KIF16B: variants seen among roughly 807,000 people sequenced by gnomAD.
KIF16B encodes kinesin family member 16B.
A neutral mutation model predicts 156.3 loss-of-function variants in KIF16B; 98 were observed. The ratio of observed to expected loss-of-function variants is 0.63; its 90% confidence interval spans 0.53 to 0.74. The LOEUF is 0.74. KIF16B is among the 30% of genes least tolerant of loss of function. The pLI is 0.00. For missense variants in KIF16B, 1,421 were observed against 1,606.5 expected (o/e 0.88, Z 1.97); for synonymous variants, 564 against 583.7 (o/e 0.97, Z 0.49).
Position 16,505,764 on chromosome 20 carries a change from T to G in KIF16B, c.958A>C (p.Lys320Gln), listed in dbSNP as rs1260541624. 1 of 1,613,920 alleles carries G rather than the reference T, an allele frequency of 6.2e-7. No homozygotes were observed. Among genetic ancestry groups the G allele is most frequent in the Non-Finnish European group, 8.5e-7 (1 of 1,179,820 alleles). Reference protein sequence around the residue: ...YRDSVLTWLLKDSLGGNSKTI... With the variant: ...YRDSVLTWLLQDSLGGNSKTI... Reference sequence around the variant, plus strand: ...TTAGAGTTTCCTCCAAGGCTATCTTTTAACAACCAAGTCAACACAGAATCC... The same window carrying G: ...TTAGAGTTTCCTCCAAGGCTATCTTGTAACAACCAAGTCAACACAGAATCC... The change falls in exon 9 of 26, where the codon AAA (lysine) becomes CAA (glutamine). Residue 320 changes from lysine to glutamine, a missense_variant. Lys to Gln is a moderately conservative substitution (Grantham distance 53). Transcript: ENST00000354981.
chr20:16,332,696 A>C (rs2063968310), intron 24 of KIF16B, among the ~76,000 whole-genome samples: 1 of 152,198 alleles, frequency 6.6e-6, no homozygotes, highest in African/African-American at 2.4e-5. Context: ...AAATGGTCTG[A>C]AGACTGAAAC....
At chr20:16,454,967 A>G (rs2067176907) in intron 12 of KIF16B, among the ~76,000 whole-genome samples, 1 of 152,206 alleles carries the variant, frequency 6.6e-6, no homozygotes, top group South Asian at 2.1e-4. Context: ...TCTGGCAGAA[A>G]GCAAGAAAGC....
At chr20:16,315,027 G>A (rs564598399) in intron 24 of KIF16B, among the ~76,000 whole-genome samples, 3 of 152,158 alleles carry the variant, frequency 2.0e-5, no homozygotes, top group African/African-American at 7.2e-5. Flanking sequence ...ATTTTCTTAT[G>A]TGGCTGATGA....
intron 12 of KIF16B, among the ~76,000 whole-genome samples, chr20:16,462,761 C>T (rs548430460): frequency 1.3e-5 from 2 of 152,320 alleles, no homozygotes; most frequent in Admixed American, 1.3e-4. Context: ...CTAAAAAAAT[C>T]GAGCTGCAAA....
chr20:16,530,340 G>A (rs894392340), intron 1 of KIF16B, among the ~76,000 whole-genome samples: 1 of 152,168 alleles, frequency 6.6e-6, no homozygotes, highest in African/African-American at 2.4e-5. Flanking sequence ...ACACACCCAA[G>A]TGATGGTCTG....
intron 5 of KIF16B, among the ~76,000 whole-genome samples, chr20:16,512,019 CACCT>C (rs2068970264): frequency 6.6e-6 from 1 of 151,998 alleles, no homozygotes; most frequent in Non-Finnish European, 1.5e-5. Context: ...TGGTAGCGGA[CACCT>C]GTAATCCCAG....
chr20:16,461,032 G>C (rs2067332561), intron 12 of KIF16B, among the ~76,000 whole-genome samples: 1 of 151,914 alleles, frequency 6.6e-6, no homozygotes, highest in East Asian at 1.9e-4. Context: ...ATAGCCTTAA[G>C]AAATTTCATT....
intron 22 of KIF16B, chr20:16,367,510 G>A: frequency 6.2e-7 from 1 of 1,612,864 alleles, no homozygotes; most frequent in Non-Finnish European, 8.5e-7. Context: ...TGCAATGTGG[G>A]TGTTCAGAAG....
chr20:16,328,958 T>C (rs1266156068), intron 24 of KIF16B, among the ~76,000 whole-genome samples: 1 of 152,084 alleles, frequency 6.6e-6, no homozygotes, highest in Admixed American at 6.6e-5. Flanking sequence ...AAACATTCAG[T>C]CCATAGCAGT....
At chr20:16,508,841 C>A (rs2068869259) in intron 6 of KIF16B, among the ~76,000 whole-genome samples, 1 of 152,184 alleles carries the variant, frequency 6.6e-6, no homozygotes, top group Non-Finnish European at 1.5e-5. Context: ...TCATGCAAAA[C>A]CCAAAAGTGT....
chr20:16,329,468 A>G (rs1432868177), intron 24 of KIF16B, among the ~76,000 whole-genome samples: 1 of 152,224 alleles, frequency 6.6e-6, no homozygotes, highest in Non-Finnish European at 1.5e-5. Flanking sequence ...ATACAGAAAA[A>G]GCACTACAGA....
At chr20:16,279,802 T>G (rs1568807811) in intron 25 of KIF16B, among the ~76,000 whole-genome samples, 3 of 152,194 alleles carry the variant, frequency 2.0e-5, no homozygotes, top group Non-Finnish European at 2.9e-5. Flanking sequence ...AAAAGACAAC[T>G]ACTAAACACT....
In KIF16B at chr20:16,559,715, C is replaced by T. The variant is rs530741114; in HGVS notation, c.47+13514G>A. Among the ~76,000 whole-genome samples the T allele has an allele frequency of 2.0e-4, 31 of 152,132 alleles. No homozygotes were observed. The South Asian group carries it at 2.3e-3, about 11-fold the overall frequency. On this transcript the variant is annotated intron_variant, in intron 1 of 25. Coordinates refer to ENST00000354981, the MANE Select transcript of KIF16B (RefSeq NM_024704.5). ...TTCACTTGAGCCCAGCAGGCTGAGGCTACAGTGAGCTGTGATCATGCCACT... is the reference window on the plus strand; with the variant it reads ...TTCACTTGAGCCCAGCAGGCTGAGGTTACAGTGAGCTGTGATCATGCCACT...
chr20:16,538,617 G>C (rs2070071804), intron 1 of KIF16B, among the ~76,000 whole-genome samples: 2 of 152,114 alleles, frequency 1.3e-5, no homozygotes, highest in African/African-American at 4.8e-5. Context: ...GAAAGGAAAG[G>C]AAAAGATTTA....
At chr20:16,526,837 C>G (rs6044073) in intron 2 of KIF16B, among the ~76,000 whole-genome samples, 36,123 of 152,128 alleles carry the variant, frequency 0.24, 4,903 homozygotes, top group East Asian at 0.34. Flanking sequence ...TGGACATATG[C>G]TGAATAACTT....
chr20:16,553,928 G>A (rs1338939740), intron 1 of KIF16B, among the ~76,000 whole-genome samples: 1 of 152,188 alleles, frequency 6.6e-6, no homozygotes, highest in Non-Finnish European at 1.5e-5. Flanking sequence ...GGGAAGCACT[G>A]ACATGCCAGT....
At chr20:16,404,323 C>A (rs2065727540) in intron 17 of KIF16B, among the ~76,000 whole-genome samples, 1 of 152,148 alleles carries the variant, frequency 6.6e-6, no homozygotes, top group Non-Finnish European at 1.5e-5. Flanking sequence ...TCCAAGGTCA[C>A]CCAGCCACTA....
rs776052248 is a variant in KIF16B, at chr20:16,379,004, G to C, written c.2998C>G (p.Gln1000Glu). 2 of 1,613,748 alleles carry C rather than the reference G, an allele frequency of 1.2e-6. No homozygotes were observed. The highest frequency in any genetic ancestry group is 1.7e-6 in the Non-Finnish European group (2 of 1,179,850). Residue 1000 changes from glutamine to glutamate, a missense_variant, in exon 19 of 26, where the codon CAG (glutamine) becomes GAG (glutamate). Transcript: ENST00000354981. ...GCCCGCTCCAGCGCCTCTCTCTGCT[G>C]CTTCTCTCTGGACTCCAAAATCTCC... ...EKEILESREK[Q>E]QREALERALA...
chr20:16,291,947 G>A (rs1358922537), intron 25 of KIF16B, among the ~76,000 whole-genome samples: 1 of 152,124 alleles, frequency 6.6e-6, no homozygotes, highest in East Asian at 1.9e-4. Context: ...TACAAGCCCC[G>A]GGGTCTACTG....
Sources: allele counts gnomAD v4.1 joint callset (sites outside exome capture counted in the v4.1 genomes callset), GRCh38; gene constraint gnomAD v4.1.1; transcripts MANE v1.5; gene names NCBI Gene and HGNC (gene_info 2026-07-23, HGNC 2026-07-21).